The following MAD1L1 variants were observed in gnomAD, a reference collection of about 807,000 sequenced individuals.
MAD1L1 encodes mitotic arrest deficient 1 like 1, also known as mitotic spindle assembly checkpoint protein MAD1.
MAD1L1 carries 95 observed loss-of-function variants against 96.9 expected under a neutral mutation model. That is an observed-to-expected ratio of 0.98 (90% CI 0.83 to 1.16). The LOEUF is 1.16. Ranked by LOEUF, MAD1L1 falls within the 50% of genes most tolerant of loss-of-function variation. MAD1L1 has a pLI of 0.00. For synonymous variants in MAD1L1, 473 were observed against 396.6 expected (o/e 1.19, Z -2.29); for missense variants, 1,007 against 954.4 (o/e 1.06, Z -0.73).
intron 18 of MAD1L1, among the ~76,000 whole-genome samples, chr7:1,878,235 T>C (rs1785486026): frequency 6.6e-6 from 1 of 151,864 alleles, no homozygotes; most frequent in Non-Finnish European, 1.5e-5. Flanking sequence ...GTGAATTCTA[T>C]CAGATATTTA....
intron 18 of MAD1L1, among the ~76,000 whole-genome samples, chr7:1,869,976 C>T (rs1419152583): frequency 2.6e-5 from 4 of 152,172 alleles, no homozygotes; most frequent in Non-Finnish European, 4.4e-5. Flanking sequence ...AGGGGTGCCT[C>T]GCCCGTGCCT....
chr7:2,015,305 C>T (rs577535104), intron 12 of MAD1L1, among the ~76,000 whole-genome samples: 12 of 152,352 alleles, frequency 7.9e-5, no homozygotes, highest in Non-Finnish European at 1.3e-4. Flanking sequence ...TCCCACAGAG[C>T]TCCCAGGATG....
intron 16 of MAD1L1, among the ~76,000 whole-genome samples, chr7:1,940,974 C>G (rs12539440): frequency 0.043 from 4,839 of 112,632 alleles, 39 homozygotes; most frequent in Middle Eastern, 0.065. Flanking sequence ...GCAGGCCTCA[C>G]CCTCCTCTTC....
chr7:2,048,034 GACAC>G (rs746759666), intron 12 of MAD1L1, among the ~76,000 whole-genome samples: 1 of 152,008 alleles, frequency 6.6e-6, no homozygotes, highest in Non-Finnish European at 1.5e-5. Context: ...CACACGTATG[GACAC>G]ACACATACAC....
chr7:2,171,353 T>C (rs1790695371), intron 10 of MAD1L1, among the ~76,000 whole-genome samples: 2 of 152,206 alleles, frequency 1.3e-5, no homozygotes, highest in Admixed American at 1.3e-4. Flanking sequence ...AACACTGTGG[T>C]GCTGGAGCCA....
intron 13 of MAD1L1, among the ~76,000 whole-genome samples, chr7:2,005,060 G>A (rs750911321): frequency 2.5e-4 from 38 of 152,182 alleles, no homozygotes; most frequent in Non-Finnish European, 2.8e-4. Flanking sequence ...GTGCAGCCCC[G>A]GGATGCGGCC....
intron 11 of MAD1L1, among the ~76,000 whole-genome samples, chr7:2,108,337 A>T (rs1393647365): frequency 6.6e-6 from 1 of 152,352 alleles, no homozygotes; most frequent in South Asian, 2.1e-4. Flanking sequence ...CATGTCATTC[A>T]TCCGCGTCAG....
At chr7:1,859,313 C>A (rs1784407528) in intron 18 of MAD1L1, among the ~76,000 whole-genome samples, 1 of 152,248 alleles carries the variant, frequency 6.6e-6, no homozygotes, top group African/African-American at 2.4e-5. Flanking sequence ...CCTCCTGGGG[C>A]TGCAGGTTCA....
chr7:2,043,393 C>T (rs141503669), intron 12 of MAD1L1, among the ~76,000 whole-genome samples: 3 of 152,340 alleles, frequency 2.0e-5, no homozygotes, highest in Non-Finnish European at 2.9e-5. Flanking sequence ...GACACAAGGA[C>T]GTGAAAGCAA....
At chr7:2,154,575 C>T (rs568457551) in intron 10 of MAD1L1, among the ~76,000 whole-genome samples, 9 of 151,744 alleles carry the variant, frequency 5.9e-5, no homozygotes, top group Admixed American at 3.3e-4. Flanking sequence ...ATTCTGTGCA[C>T]GTAAGAAAAT....
chr7:2,202,528 G>A (rs577095173), intron 10 of MAD1L1, among the ~76,000 whole-genome samples: 2 of 152,222 alleles, frequency 1.3e-5, no homozygotes. Context: ...AACGAAAAGG[G>A]GAAACGTGGC....
At chr7:1,977,885 T>C (rs372550783) in intron 15 of MAD1L1, among the ~76,000 whole-genome samples, 3 of 152,220 alleles carry the variant, frequency 2.0e-5, no homozygotes, top group Non-Finnish European at 2.9e-5. Flanking sequence ...CCTTCACAGA[T>C]GCTGGAAGCC....
chr7:2,054,284 C>G (rs1057314846), intron 12 of MAD1L1, among the ~76,000 whole-genome samples: 1 of 152,244 alleles, frequency 6.6e-6, no homozygotes, highest in Non-Finnish European at 1.5e-5. Context: ...CCAAACTCCA[C>G]GCACCTGAGG....
chr7:1,924,451 C>T (rs1229619338), intron 17 of MAD1L1, among the ~76,000 whole-genome samples: 3 of 152,162 alleles, frequency 2.0e-5, no homozygotes, highest in African/African-American at 7.2e-5. Flanking sequence ...CATCAGAAAC[C>T]ACAGAAGCCA....
intron 11 of MAD1L1, among the ~76,000 whole-genome samples, chr7:2,138,741 G>A (rs1788879761): frequency 6.6e-6 from 1 of 152,150 alleles, no homozygotes; most frequent in Admixed American, 6.5e-5. Flanking sequence ...ACCCTTCAAA[G>A]AAACCCATTG....
rs758427190 is a variant in MAD1L1 at position 2,230,063 on chromosome 7, C to T, written c.71G>A (p.Arg24His). Residue 24 changes from arginine to histidine, a missense_variant, in exon 3 of 19, where the codon CGT (arginine) becomes CAT (histidine). Transcript: ENST00000265854. ...LRSLNNFISQ[R>H]VEGGSGLDIS... The stretch of plus-strand genomic sequence containing the variant: ...ATCCAGTCCAGAGCCTCCCTCCACA[C>T]GCTGAGAGATGAAGTTGTTCAAAGA... 16 of 1,613,382 alleles carry T rather than the reference C, an allele frequency of 9.9e-6. No individual in the cohort carries two copies. Among genetic ancestry groups the T allele is most frequent in the East Asian group, 2.2e-5 (1 of 44,866 alleles).
In MAD1L1 at chr7:1,872,911, G is replaced by C. The variant is rs142838001; in HGVS notation, c.1998+25289C>G. ...TCCAGTCAATTCAAACACCCAGGGTGGGGGGCGCGTCAGAAGGAGAGAAAG... is the reference window on the plus strand; with the variant it reads ...TCCAGTCAATTCAAACACCCAGGGTCGGGGGCGCGTCAGAAGGAGAGAAAG... On this transcript the variant is annotated intron_variant, in intron 18 of 18. Transcript: ENST00000265854. Among the ~76,000 whole-genome samples the C allele has an allele frequency of 6.2e-3, 945 of 152,342 alleles. 10 individuals carry two copies. Among genetic ancestry groups the C allele is most frequent in the African/African-American group, 0.021 (893 of 41,580 alleles).
chr7:2,219,279 G>T, intron 6 of MAD1L1, 53 bp downstream of exon 6: 1 of 1,481,716 alleles, frequency 6.7e-7, no homozygotes, highest in Non-Finnish European at 9.1e-7. Context: ...GAGGTGGGAC[G>T]CATGCCCCCA....
chr7:1,956,522 A>G (rs761459981), intron 16 of MAD1L1, among the ~76,000 whole-genome samples: 52 of 152,160 alleles, frequency 3.4e-4, no homozygotes, highest in Non-Finnish European at 6.6e-4. Context: ...AAATGGCCAC[A>G]CTGGCCACAC....
Sources: allele counts gnomAD v4.1 joint callset (sites outside exome capture counted in the v4.1 genomes callset), GRCh38; gene constraint gnomAD v4.1.1; transcripts MANE v1.5; gene names NCBI Gene and HGNC (gene_info 2026-07-23, HGNC 2026-07-21).